Variants in NCOR2 observed in about 807,000 individuals in gnomAD.
The protein encoded by NCOR2 is nuclear receptor corepressor 2.
NCOR2 carries 81 observed loss-of-function variants against 262.9 expected under a neutral mutation model. The observed-to-expected ratio is 0.31, with a 90% CI of 0.26 to 0.37. The LOEUF is 0.37. NCOR2 is among the 10% of genes least tolerant of loss of function. NCOR2 has a pLI of 1.00. For missense variants in NCOR2, 3,385 were observed against 3,621.4 expected, an observed-to-expected ratio of 0.93 and a Z score of 1.68; for synonymous variants, 1,659 against 1,559.3, an observed-to-expected ratio of 1.06 and a Z score of -1.51.
chr12:124,410,415 A>G (rs1189551674), intron 13 of NCOR2, among the ~76,000 whole-genome samples: 1 of 151,516 alleles, frequency 6.6e-6, no homozygotes, highest in Non-Finnish European at 1.5e-5. Flanking sequence ...GGAGCCCCCA[A>G]CTGTCTCCCC....
intron 10 of NCOR2, among the ~76,000 whole-genome samples, chr12:124,428,086 T>TGTGTGTGTGTGTGTGTGTGTGTGA (rs958627720): frequency 1.4e-5 from 2 of 147,052 alleles, no homozygotes; most frequent in African/African-American, 2.6e-5. Flanking sequence ...TGTGTGTGTG[T>TGTGTGTGTGTGTGTGTGTGTGTGA]GTACATGCAA....
chr12:124,503,613 C>T lies in NCOR2; in HGVS notation c.-117-8245G>A, dbSNP rs199910998. On this transcript the variant is annotated intron_variant, in intron 1 of 46. Coordinates refer to the NCOR2 transcript ENST00000404621. This position sits in a 1 kb window ranked among gnomAD's most constrained non-coding sequence, Gnocchi z 4.3. ...ACGGATGGATGGATGGACGGACGGACGGATGGATGGATGGATGGATGGGCG... is the reference window on the plus strand; with the variant it reads ...ACGGATGGATGGATGGACGGACGGATGGATGGATGGATGGATGGATGGGCG... 0.016 allele frequency among the ~76,000 whole-genome samples: 2,221 copies of T among 139,192 alleles called. 62 individuals carry two copies. The highest frequency in any genetic ancestry group is 0.056 in the African/African-American group (2,028 of 36,226). 91.3% of individuals were successfully genotyped at this position (139,192 alleles called of 152,430 possible).
intron 38 of NCOR2, 172 bp from the exon 41 acceptor site, chr12:124,335,804 G>C: frequency 1.5e-6 from 1 of 685,118 alleles, no homozygotes. Context: ...GTTGGGGAGA[G>C]ACAGGGAGGC....
At chr12:124,326,250 T>C in exon 46 of NCOR2, 2 of 1,552,714 alleles carry the variant, frequency 1.3e-6, no homozygotes, top group Non-Finnish European at 1.7e-6. Flanking sequence ...GCGGTTGCAG[T>C]CTCCCTCCGA....
At chr12:124,402,992 G>A (rs758394147) in intron 13 of NCOR2, among the ~76,000 whole-genome samples, 2 of 152,160 alleles carry the variant, frequency 1.3e-5, no homozygotes, top group Non-Finnish European at 1.5e-5. Context: ...GCTTACATCC[G>A]CATCTGGCCC....
At chr12:124,539,131 G>C (rs1032065650), upstream of NCOR2, 1 of 152,254 alleles carries the variant, frequency 6.6e-6, no homozygotes, top group Non-Finnish European at 1.5e-5. This position sits in a 1 kb window ranked among gnomAD's most constrained non-coding sequence, Gnocchi z 5.1. Flanking sequence ...ACGCCTCCCC[G>C]GCAGAGCCGC....
At position 124,454,810 on chromosome 12, in the gene NCOR2, C is replaced by G. The variant is rs1358433133; in HGVS notation, c.762+2296G>C. Among the ~76,000 whole-genome samples, 8 of 152,158 alleles carry G rather than the reference C, an allele frequency of 5.3e-5. No homozygotes were observed. Among genetic ancestry groups the G allele is most frequent in the Non-Finnish European group, 8.8e-5 (6 of 68,022 alleles). ...GCAATTCCACGCCTAGGTACACACCCAGGAGAAATGAAGACGTACGTTCAC... is the reference window on the plus strand; with the variant it reads ...GCAATTCCACGCCTAGGTACACACCGAGGAGAAATGAAGACGTACGTTCAC... On this transcript the variant is annotated intron_variant, in intron 6 of 46. Transcript: ENST00000405201. The surrounding 1 kb of genome is among the most constrained non-coding windows in gnomAD (Gnocchi z 5.6).
At chr12:124,423,102 C>T (rs1017523994) in intron 11 of NCOR2, among the ~76,000 whole-genome samples, 2 of 152,178 alleles carry the variant, frequency 1.3e-5, no homozygotes, top group Non-Finnish European at 1.5e-5. Flanking sequence ...GGACTTAAGT[C>T]GGAGGGCGGT....
chr12:124,412,954 G>A (rs182095162), intron 13 of NCOR2, among the ~76,000 whole-genome samples: 2 of 152,350 alleles, frequency 1.3e-5, no homozygotes, highest in Admixed American at 1.3e-4. Context: ...GCCCCAGGAT[G>A]CTGGCTACAG....
At position 124,495,103 on chromosome 12, in the gene NCOR2, G is replaced by A. The variant is rs1392324706; in HGVS notation, c.105+44C>T. 2.5e-6 allele frequency: 4 copies of A among 1,602,222 alleles called. No individual in the cohort carries two copies. In the East Asian group the frequency reaches 6.7e-5, roughly 27 times the overall value. The stretch of plus-strand genomic sequence containing the variant: ...TGAAGACTCAGTGGAATGGAAGAAG[G>A]GTCTCAAAGGTAGCCCCAGGCGCAC... On this transcript the variant is annotated intron_variant, in intron 1 of 46. Coordinates refer to ENST00000405201, the Ensembl canonical transcript of NCOR2. The surrounding 1 kb of genome is among the most constrained non-coding windows in gnomAD (Gnocchi z 4.4).
rs997139676 is a variant in NCOR2, at chr12:124,378,867, A to G, written c.2020-483T>C. On this transcript the variant is annotated intron_variant, in intron 17 of 46. Transcript: ENST00000405201. This position sits in a 1 kb window ranked among gnomAD's most constrained non-coding sequence, Gnocchi z 4.2. ...TTTACAGAACACCTACTGTGTGCCC[A>G]GCTCTGCATACCAGGGCTGTGGGGA... Among the ~76,000 whole-genome samples, 3 of 152,226 alleles carry G rather than the reference A, an allele frequency of 2.0e-5. No individual in the cohort carries two copies. Among genetic ancestry groups the G allele is most frequent in the Non-Finnish European group, 4.4e-5 (3 of 68,026 alleles).
In NCOR2 at chr12:124,527,946, G is replaced by A. The variant is rs191252157; in HGVS notation, c.-118+7619C>T. 1.6e-4 allele frequency among the ~76,000 whole-genome samples: 24 copies of A among 152,332 alleles called. No individual in the cohort carries two copies. The East Asian group carries it at 1.7e-3, about 11-fold the overall frequency. ...CATCTCGCCCTCCAGGGCGTGCTGC[G>A]TGTGCTGTGGCCCCATCTGTGCGGG... On this transcript the variant is annotated intron_variant, in intron 1 of 46. Coordinates refer to the NCOR2 transcript ENST00000404621.
chr12:124,405,711 T>C (rs2042237650), intron 13 of NCOR2, among the ~76,000 whole-genome samples: 1 of 152,168 alleles, frequency 6.6e-6, no homozygotes, highest in African/African-American at 2.4e-5. Flanking sequence ...TGGGAGATTA[T>C]GCAGGGAGAG....
At position 124,495,086 on chromosome 12, in the gene NCOR2, C is replaced by T. The variant is rs1368543963; in HGVS notation, c.105+61G>A. 6.3e-7 allele frequency: 1 copy of T among 1,581,692 alleles called. No homozygotes were observed. The highest frequency in any genetic ancestry group is 1.8e-5 in the Admixed American group (1 of 56,160). ...CAGGAGAAAGGAAGGGGTGAAGACT[C>T]AGTGGAATGGAAGAAGGGTCTCAAA... On this transcript the variant is annotated intron_variant, in intron 1 of 46. Coordinates refer to ENST00000405201, the Ensembl canonical transcript of NCOR2. This position sits in a 1 kb window ranked among gnomAD's most constrained non-coding sequence, Gnocchi z 4.4.
intron 32 of NCOR2, 88 bp from the exon 35 acceptor site, chr12:124,343,314 G>A (rs2036613237): frequency 9.4e-7 from 1 of 1,068,312 alleles, no homozygotes; most frequent in Non-Finnish European, 1.3e-6. Flanking sequence ...GGATCCCAAG[G>A]ACCAGGTCTC....
At chr12:124,332,458 G>T in exon 43 of NCOR2, 1 of 1,614,150 alleles carries the variant, frequency 6.2e-7, no homozygotes. Flanking sequence ...GAGACTTGGA[G>T]CCCATCCTGC....
At chr12:124,345,882 A>G (rs1356336699) in intron 31 of NCOR2, among the ~76,000 whole-genome samples, 1 of 152,112 alleles carries the variant, frequency 6.6e-6, no homozygotes, top group Non-Finnish European at 1.5e-5. Context: ...CCCCTTCACA[A>G]GAGGCCACCT....
At chr12:124,446,159 C>T (rs2045155263) in intron 7 of NCOR2, among the ~76,000 whole-genome samples, 1 of 152,190 alleles carries the variant, frequency 6.6e-6, no homozygotes, top group South Asian at 2.1e-4. Flanking sequence ...CTGCCAAGGG[C>T]AGCTTCCTGG....
chr12:124,453,495 G>A (rs1267742639), intron 6 of NCOR2, among the ~76,000 whole-genome samples: 10 of 152,192 alleles, frequency 6.6e-5, no homozygotes, highest in Non-Finnish European at 1.5e-4. Context: ...AAGGGGAGCA[G>A]GTGCCAGACG....
Sources: gnomAD v4.1 joint callset for allele counts (sites outside exome capture counted in the v4.1 genomes callset) on GRCh38, gnomAD v4.1.1 for gene constraint, Gnocchi (gnomAD v3.1) non-coding constraint, MANE v1.5 for transcripts, NCBI Gene and HGNC (gene_info 2026-07-23, HGNC 2026-07-21) for gene names.